The following CIPC variants were observed in gnomAD, a reference collection of about 807,000 sequenced individuals.
The protein encoded by CIPC is CLOCK-interacting pacemaker.
A neutral mutation model predicts 26.7 loss-of-function variants in CIPC; 12 were observed. The observed-to-expected ratio is 0.45, with a 90% CI of 0.29 to 0.73. CIPC has a LOEUF of 0.73. CIPC is among the 30% of genes least tolerant of loss of function. The probability of loss-of-function intolerance (pLI) is 0.12; values close to 1 mark genes in which losing one functional copy is unlikely to be tolerated. For synonymous variants in CIPC, 170 were observed against 189.8 expected (o/e 0.90, Z 0.86); for missense variants, 417 against 486.5 (o/e 0.86, Z 1.34).
intron 1 of CIPC, among the ~76,000 whole-genome samples, chr14:77,103,215 T>C (rs1886526368): frequency 6.6e-6 from 1 of 152,246 alleles, no homozygotes; most frequent in Non-Finnish European, 1.5e-5. Context: ...TTCCCTTTAG[T>C]CTGCTCCTAC....
intron 3 of CIPC, among the ~76,000 whole-genome samples, chr14:77,112,494 T>C (rs1886723696): frequency 1.3e-5 from 2 of 152,164 alleles, no homozygotes; most frequent in African/African-American, 4.8e-5. Flanking sequence ...AGTTCCCTGT[T>C]TATGAAGGGA....
intron 2 of CIPC, among the ~76,000 whole-genome samples, chr14:77,108,458 G>A (rs1256471580): frequency 1.3e-5 from 2 of 152,118 alleles, no homozygotes; most frequent in African/African-American, 2.4e-5. Context: ...TTGGGAGGCC[G>A]AGGCAGGTGG....
chr14:77,110,830 G>A (rs1347941355), intron 3 of CIPC, among the ~76,000 whole-genome samples: 2 of 152,146 alleles, frequency 1.3e-5, no homozygotes, highest in Non-Finnish European at 2.9e-5. Context: ...TTTTAAATCT[G>A]GCTTGAGTAG....
chr14:77,109,388 A>T (rs1215296044), intron 2 of CIPC, among the ~76,000 whole-genome samples: 1 of 152,198 alleles, frequency 6.6e-6, no homozygotes, highest in African/African-American at 2.4e-5. Flanking sequence ...TTGTAATTAC[A>T]TCTTGTGGTA....
At position 77,115,241 on chromosome 14, in the gene CIPC, G is replaced by GT. The variant is rs11342878; in HGVS notation, c.*937dup. 34,416 of 143,492 alleles carry GT rather than the reference G, an allele frequency of 0.24. 4,045 individuals carry two copies. Among genetic ancestry groups the GT allele is most frequent in the Admixed American group, 0.3 (4,424 of 14,512 alleles). The allele number at this position is 143,492 out of a possible 1,614,324, so 8.9% of individuals were successfully genotyped here. ...TATAAGTTAACTCTGCTGCCATCTT[G>GT]TTTTTTTTTTTTTTCCTTTATTTTG... On this transcript the variant is annotated 3_prime_UTR_variant, in exon 4 of 4. Coordinates refer to ENST00000361786, the MANE Select transcript of CIPC (RefSeq NM_033426.3).
At chr14:77,103,090 G>C (rs1886523063) in intron 1 of CIPC, among the ~76,000 whole-genome samples, 1 of 152,200 alleles carries the variant, frequency 6.6e-6, no homozygotes, top group African/African-American at 2.4e-5. Context: ...AAGAGTGCTT[G>C]ATTTGATGTC....
rs57785837 is a variant in CIPC, at chr14:77,100,240, CTTTT to C, written c.-53+1895_-53+1898del. ...ATTTATTGATTCACTTTCTTTCTTTCTTTTTTTTTTTTTTTTTTTGAGACGGAGT... is the reference window on the plus strand; with the variant it reads ...ATTTATTGATTCACTTTCTTTCTTTCTTTTTTTTTTTTTTTGAGACGGAGT... On this transcript the variant is annotated intron_variant, in intron 1 of 3. Coordinates refer to ENST00000361786, the MANE Select transcript of CIPC (RefSeq NM_033426.3). Among the ~76,000 whole-genome samples the C allele has an allele frequency of 1.6e-3, 203 of 130,504 alleles. 4 individuals are homozygous for C. The highest frequency in any genetic ancestry group is 9.8e-3 in the Admixed American group (124 of 12,714). 85.6% of individuals were successfully genotyped at this position (130,504 alleles called of 152,430 possible). A position where few individuals can be genotyped will look rare whatever the true frequency, so the allele number is the denominator to read the frequency against.
Position 77,113,428 on chromosome 14 carries a change from A to C in CIPC, c.310A>C (p.Ser104Arg). The C allele has an allele frequency of 6.2e-7, 1 of 1,614,070 alleles. No homozygotes were observed. Among genetic ancestry groups the C allele is most frequent in the Non-Finnish European group, 8.5e-7 (1 of 1,180,022 alleles). The change falls in exon 4 of 4, where the codon AGC becomes CGC. Residue 104 changes from serine to arginine, a missense_variant. Physicochemically the swap from Ser to Arg is moderately radical, Grantham distance 110. Transcript: ENST00000361786. ...TGCTCTCCTCCTTTGTCTTCAGGGC[A>C]GCAGCTCATCCCAGCTCCAGTCGTG... ...VMKNVLVKQG[S>R]SSSQLQSWTV...
At chr14:77,107,868 G>C (rs1886621907) in intron 2 of CIPC, among the ~76,000 whole-genome samples, 4 of 152,086 alleles carry the variant, frequency 2.6e-5, no homozygotes. Context: ...CTTTATAGCT[G>C]TTTGTCTTTT....
chr14:77,100,573 CTT>C (rs1211402359), intron 1 of CIPC, among the ~76,000 whole-genome samples: 2 of 135,276 alleles, frequency 1.5e-5, no homozygotes, highest in African/African-American at 2.8e-5. Flanking sequence ...CTTTTCTCTT[CTT>C]TTTTTTTTTT....
intron 1 of CIPC, 63 bp from the exon 2 acceptor site, chr14:77,105,594 A>G: frequency 1.8e-6 from 2 of 1,133,972 alleles, no homozygotes; most frequent in Non-Finnish European, 2.5e-6. Context: ...TACTTTATTC[A>G]CTGTTTGGAT....
rs750953583 is a variant in CIPC, at chr14:77,114,356, T to C, written c.*38T>C. The C allele has an allele frequency of 6.5e-7, 1 of 1,540,294 alleles. No individual in the cohort carries two copies. The highest frequency in any genetic ancestry group is 1.3e-5 in the South Asian group (1 of 79,868). On this transcript the variant is annotated 3_prime_UTR_variant, in exon 4 of 4. Coordinates refer to ENST00000361786, the MANE Select transcript of CIPC (RefSeq NM_033426.3). Reference sequence around the variant, plus strand: ...TTTTCCTGTTACTTGAGTGGTTCTTTTAGCTCATTTGCTGTTACCTACTCC... The same window carrying C: ...TTTTCCTGTTACTTGAGTGGTTCTTCTAGCTCATTTGCTGTTACCTACTCC...
chr14:77,101,490 G>A (rs1037121940), intron 1 of CIPC, among the ~76,000 whole-genome samples: 1 of 152,058 alleles, frequency 6.6e-6, no homozygotes, highest in Admixed American at 6.6e-5. Flanking sequence ...TCCTAAAGTC[G>A]ATTTTACATT....
Position 77,105,724 on chromosome 14 carries a change from C to G in CIPC, c.16C>G (p.Pro6Ala). The G allele has an allele frequency of 6.2e-7, 1 of 1,613,776 alleles. No individual in the cohort carries two copies. The highest frequency in any genetic ancestry group is 8.5e-7 in the Non-Finnish European group (1 of 1,179,844). ...TGAATAAACCATGGAGAGGAAAAAC[C>G]CATCCAGAGAGAGCCCCAGAAGACT... MERKNPSRESPRRLSA... is the reference protein window; with the variant it reads MERKNASRESPRRLSA... Residue 6 changes from proline to alanine, a missense_variant, in exon 2 of 4, where the codon CCA (proline) becomes GCA (alanine). Coordinates refer to ENST00000361786, the MANE Select transcript of CIPC (RefSeq NM_033426.3).
Position 77,110,019 on chromosome 14 carries a change from A to C in CIPC, c.306+38A>C, listed in dbSNP as rs1459042975. The C allele has an allele frequency of 1.9e-6, 3 of 1,593,238 alleles. No homozygotes were observed. The South Asian group carries it at 3.3e-5, about 18-fold the overall frequency. On this transcript the variant is annotated intron_variant, in intron 3 of 3. Transcript: ENST00000361786. Reference sequence around the variant, plus strand: ...AATATCACCTAAAGTCTTTGCAAATAAAAATCTCTTAGCTTCCGTGTATAA... The same window carrying C: ...AATATCACCTAAAGTCTTTGCAAATCAAAATCTCTTAGCTTCCGTGTATAA...
chr14:77,105,953 GATAA>G, intron 2 of CIPC, 109 bp downstream of exon 2: 1 of 1,288,750 alleles, frequency 7.8e-7, no homozygotes, highest in East Asian at 2.4e-5. Context: ...TCACACACAG[GATAA>G]ATACTTACCT....
chr14:77,112,041 G>T (rs540299004), intron 3 of CIPC, among the ~76,000 whole-genome samples: 16 of 152,292 alleles, frequency 1.1e-4, no homozygotes, highest in Middle Eastern at 6.8e-3. Flanking sequence ...CCTTTGCATG[G>T]GAAATGAACT....
At chr14:77,109,436 A>T (rs754391225) in intron 2 of CIPC, among the ~76,000 whole-genome samples, 15 of 152,200 alleles carry the variant, frequency 9.9e-5, no homozygotes, top group Non-Finnish European at 1.8e-4. Context: ...ACCTTGGGCC[A>T]TACTCGTCTC....
intron 1 of CIPC, among the ~76,000 whole-genome samples, chr14:77,104,308 A>T (rs1010696464): frequency 1.3e-5 from 2 of 152,156 alleles, no homozygotes; most frequent in East Asian, 3.8e-4. Context: ...GATCGCTTCC[A>T]TCTGGGCAGT....
Sources: allele counts gnomAD v4.1 joint callset (sites outside exome capture counted in the v4.1 genomes callset), GRCh38; gene constraint gnomAD v4.1.1; transcripts MANE v1.5; gene names NCBI Gene and HGNC (gene_info 2026-07-23, HGNC 2026-07-21).